VIPAS39: variants seen among roughly 807,000 people sequenced by gnomAD.
VIPAS39 encodes VPS33B interacting protein, apical-basolateral polarity regulator, spe-39 homolog.
In VIPAS39, 63 loss-of-function variants were observed where a neutral mutation model predicts 84.7. The observed-to-expected ratio is 0.74, with a 90% CI of 0.61 to 0.92. The LOEUF (loss-of-function observed/expected upper bound fraction) is 0.92, where lower values mean the gene tolerates loss of function less well. Ranked by LOEUF, VIPAS39 falls within the 40% of genes least tolerant of loss-of-function variation. The probability of loss-of-function intolerance (pLI) is 0.00; values close to 1 mark genes in which losing one functional copy is unlikely to be tolerated. For synonymous variants in VIPAS39, 192 were observed against 216.5 expected (o/e 0.89, Z 0.99); for missense variants, 499 against 604.5 (o/e 0.83, Z 1.83).
chr14:77,452,779 CAAAA>C (rs11418833), intron 3 of VIPAS39, among the ~76,000 whole-genome samples: 3 of 106,814 alleles, frequency 2.8e-5, no homozygotes, highest in Non-Finnish European at 3.7e-5. Flanking sequence ...GACTCCATCT[CAAAA>C]AAAAAAAAAA....
intron 1 of VIPAS39, among the ~76,000 whole-genome samples, chr14:77,455,638 T>C (rs982075839): frequency 6.6e-6 from 1 of 152,232 alleles, no homozygotes; most frequent in Admixed American, 6.5e-5. Flanking sequence ...AAAAGAACCA[T>C]TTGCTTTTCC....
intron 16 of VIPAS39, among the ~76,000 whole-genome samples, chr14:77,433,084 G>C (rs964729550): frequency 2.0e-5 from 3 of 152,048 alleles, no homozygotes; most frequent in Admixed American, 2.0e-4. Context: ...ATTGGATCCT[G>C]ATAGAAAAAA....
intron 1 of VIPAS39, 56 bp from the exon 2 acceptor site, chr14:77,454,158 C>A (rs1313070761): frequency 6.5e-7 from 1 of 1,539,672 alleles, no homozygotes; most frequent in East Asian, 2.2e-5. Flanking sequence ...CTAAAGAGTT[C>A]CAAAAGCTTT....
At chr14:77,444,390 T>C (rs1181808921) in intron 7 of VIPAS39, 49 bp from the exon 8 acceptor site, 5 of 1,518,720 alleles carry the variant, frequency 3.3e-6, no homozygotes, top group African/African-American at 1.4e-5. Context: ...GTTTTCTTTA[T>C]TCCTTTGTTG....
chr14:77,453,110 C>T (rs559531403), intron 3 of VIPAS39, among the ~76,000 whole-genome samples, 189 bp downstream of exon 3: 1 of 152,318 alleles, frequency 6.6e-6, no homozygotes, highest in South Asian at 2.1e-4. Flanking sequence ...CCTATATAGC[C>T]ATGTGGGAAC....
intron 7 of VIPAS39, among the ~76,000 whole-genome samples, chr14:77,447,261 G>A (rs1307243107): frequency 6.6e-6 from 1 of 151,710 alleles, no homozygotes; most frequent in African/African-American, 2.4e-5. Flanking sequence ...CCAACCTCAG[G>A]TGATCTGCCT....
Position 77,433,944 on chromosome 14 carries a change from G to A in VIPAS39, c.1090-13C>T. On this transcript the variant is annotated splice_polypyrimidine_tract_variant and intron_variant, in intron 15 of 19. Coordinates refer to ENST00000557658, the MANE Select transcript of VIPAS39 (RefSeq NM_001193315.2). ...GTTTATCTGGGATCTGGAAAGCAGA[G>A]ACCGAGAAAAATTAAGGGGAAGTAG... 6.2e-7 allele frequency: 1 copy of A among 1,613,602 alleles called. No homozygotes were observed. Among genetic ancestry groups the A allele is most frequent in the Non-Finnish European group, 8.5e-7 (1 of 1,179,736 alleles).
intron 8 of VIPAS39, 63 bp from the exon 9 acceptor site, chr14:77,443,215 A>G: frequency 6.3e-7 from 1 of 1,592,320 alleles, no homozygotes; most frequent in South Asian, 1.1e-5. Flanking sequence ...CCTGAGCACT[A>G]CAGACACGGG....
intron 1 of VIPAS39, among the ~76,000 whole-genome samples, chr14:77,456,891 T>C (rs542658579): frequency 6.6e-6 from 1 of 152,322 alleles, no homozygotes; most frequent in East Asian, 1.9e-4. Context: ...TCAGGTACGA[T>C]TGTCACTCTT....
At chr14:77,428,757 G>A (rs1363641306) in intron 18 of VIPAS39, among the ~76,000 whole-genome samples, 1 of 152,188 alleles carries the variant, frequency 6.6e-6, no homozygotes, top group African/African-American at 2.4e-5. Context: ...TACACAGCTT[G>A]TATAGCTTGA....
At chr14:77,449,680 T>C (rs2078851799) in intron 5 of VIPAS39, 34 bp downstream of exon 5, 1 of 1,613,828 alleles carries the variant, frequency 6.2e-7, no homozygotes, top group Non-Finnish European at 8.5e-7. Flanking sequence ...CAGTAACATT[T>C]CCCACAGCAA....
chr14:77,428,891 C>G, intron 18 of VIPAS39, 115 bp downstream of exon 18: 1 of 921,406 alleles, frequency 1.1e-6, no homozygotes. Context: ...TTATTCTGTC[C>G]ATTCAGTCAA....
At chr14:77,441,937 C>T (rs946032957) in intron 10 of VIPAS39, among the ~76,000 whole-genome samples, 1 of 152,162 alleles carries the variant, frequency 6.6e-6, no homozygotes, top group Non-Finnish European at 1.5e-5. Context: ...GACCTCAGCC[C>T]TCTTTACCCC....
At chr14:77,447,479 G>A (rs2078810797) in intron 7 of VIPAS39, among the ~76,000 whole-genome samples, 1 of 151,728 alleles carries the variant, frequency 6.6e-6, no homozygotes, top group South Asian at 2.1e-4. Flanking sequence ...TGACTGGCCC[G>A]ATTTTCAACA....
chr14:77,435,108 CTT>C (rs1253638726), intron 14 of VIPAS39, 149 bp downstream of exon 14: 1 of 1,250,780 alleles, frequency 8.0e-7, no homozygotes, highest in East Asian at 2.3e-5. Flanking sequence ...ATGAGGCCCT[CTT>C]ACCCCTGGTG....
At position 77,430,339 on chromosome 14, in the gene VIPAS39, G is replaced by T. The variant is rs186468573; in HGVS notation, c.1180-572C>A. ...AACAGAAAATTTTTAAACCCATAAT[G>T]GAAAAACAGATATTTAAAACGTAAA... On this transcript the variant is annotated intron_variant, in intron 16 of 19. Coordinates refer to ENST00000557658, the MANE Select transcript of VIPAS39 (RefSeq NM_001193315.2). Among the ~76,000 whole-genome samples the T allele has an allele frequency of 3.6e-3, 554 of 152,150 alleles. 4 individuals are homozygous for T. The highest frequency in any genetic ancestry group is 6.2e-3 in the Non-Finnish European group (422 of 68,012).
rs575404280 is a variant in VIPAS39, at chr14:77,433,781, A to G, written c.1179+61T>C. The G allele has an allele frequency of 2.2e-5, 34 of 1,548,842 alleles. No homozygotes were observed. The East Asian group carries it at 2.5e-4, about 11-fold the overall frequency. ...AAATGTAAACCGGTAACTAGAACTT[A>G]TAACATGATAGAACCCTTCTGTCTC... On this transcript the variant is annotated intron_variant, in intron 16 of 19. Transcript: ENST00000557658.
chr14:77,444,932 A>G lies in VIPAS39; in HGVS notation c.505-591T>C, dbSNP rs184026962. On this transcript the variant is annotated intron_variant, in intron 7 of 19. Coordinates refer to ENST00000557658, the MANE Select transcript of VIPAS39 (RefSeq NM_001193315.2). Reference sequence around the variant, plus strand: ...CTTATTCATAATTTGCATACAGTAAAACATACCCTATTTAAGTATATAGTT... The same window carrying G: ...CTTATTCATAATTTGCATACAGTAAGACATACCCTATTTAAGTATATAGTT... 1.3e-4 allele frequency among the ~76,000 whole-genome samples: 20 copies of G among 150,324 alleles called. No individual in the cohort carries two copies. In the East Asian group the frequency reaches 3.2e-3, roughly 24 times the overall value.
Position 77,428,408 on chromosome 14 carries a change from C to T in VIPAS39, c.1423G>A (p.Ala475Thr). 1 of 1,614,018 alleles carries T rather than the reference C, an allele frequency of 6.2e-7. No individual in the cohort carries two copies. The highest frequency in any genetic ancestry group is 1.3e-5 in the African/African-American group (1 of 75,064). The change falls in exon 19 of 20, where the codon GCA (alanine) becomes ACA (threonine). Residue 475 changes from alanine (A) to threonine (T), a missense_variant. Ala to Thr is a moderately conservative substitution (Grantham distance 58). Transcript: ENST00000557658. Reference sequence around the variant, plus strand: ...AGAGCATCAATCTTCTCCTCCTCTGCTGATCCTTTATCTACCTTACTCCTG... The same window carrying T: ...AGAGCATCAATCTTCTCCTCCTCTGTTGATCCTTTATCTACCTTACTCCTG... ...AYRSKVDKGS[A>T]EEEKIDALLS... is the part of the protein sequence containing the mutation.
Sources: allele counts gnomAD v4.1 joint callset (sites outside exome capture counted in the v4.1 genomes callset), GRCh38; gene constraint gnomAD v4.1.1; transcripts MANE v1.5; gene names NCBI Gene and HGNC (gene_info 2026-07-23, HGNC 2026-07-21).